The following SIPA1L1 variants were observed in gnomAD, a reference collection of about 807,000 sequenced individuals.
The protein encoded by SIPA1L1 is signal induced proliferation associated 1 like 1, also known as signal-induced proliferation-associated 1-like protein 1.
A neutral mutation model predicts 162.7 loss-of-function variants in SIPA1L1; 26 were observed. The observed-to-expected ratio is 0.16, with a 90% CI of 0.12 to 0.22. The LOEUF (loss-of-function observed/expected upper bound fraction) is 0.22, where lower values mean the gene tolerates loss of function less well. SIPA1L1 is among the 10% of genes least tolerant of loss of function. The pLI, the probability that SIPA1L1 is intolerant of heterozygous loss-of-function variation, is 1.00. For missense variants in SIPA1L1, 1,874 were observed against 2,241.0 expected (o/e 0.84, Z 3.31); for synonymous variants, 829 against 837.4 (o/e 0.99, Z 0.17).
intron 7 of SIPA1L1, among the ~76,000 whole-genome samples, chr14:71,634,361 C>T (rs928540209): frequency 3.4e-5 from 5 of 147,652 alleles, no homozygotes; most frequent in Non-Finnish European, 7.4e-5. Flanking sequence ...AAGATCACGC[C>T]ACTGCACTCC....
At chr14:71,557,520 T>G (rs1052387738) in intron 4 of SIPA1L1, among the ~76,000 whole-genome samples, 21 of 152,216 alleles carry the variant, frequency 1.4e-4, no homozygotes, top group African/African-American at 4.8e-4. Flanking sequence ...CTTGCACTAA[T>G]TGTTAACTTT....
intron 9 of SIPA1L1, among the ~76,000 whole-genome samples, chr14:71,660,238 G>A (rs910946761): frequency 9.2e-5 from 14 of 152,052 alleles, no homozygotes; most frequent in African/African-American, 3.4e-4. Context: ...GTTCTGTAGA[G>A]CAATCAATAC....
chr14:71,467,807 G>T (rs1156340077), intron 2 of SIPA1L1, among the ~76,000 whole-genome samples: 1 of 146,908 alleles, frequency 6.8e-6, no homozygotes, highest in Non-Finnish European at 1.5e-5. Flanking sequence ...CTTGAGGCCA[G>T]CAGTTCAGGA....
chr14:71,697,391 C>T (rs1166847404), intron 13 of SIPA1L1, among the ~76,000 whole-genome samples: 1 of 151,770 alleles, frequency 6.6e-6, no homozygotes, highest in Non-Finnish European at 1.5e-5. Flanking sequence ...AAAGTAAAGA[C>T]AGAGGAAGGA....
intron 2 of SIPA1L1, among the ~76,000 whole-genome samples, chr14:71,405,650 T>A (rs911950448): frequency 6.6e-6 from 1 of 152,218 alleles, no homozygotes; most frequent in Admixed American, 6.5e-5. Flanking sequence ...TGACACAACC[T>A]GCTGTTGTGC....
intron 17 of SIPA1L1, among the ~76,000 whole-genome samples, chr14:71,717,656 C>T (rs2083373964): frequency 6.6e-6 from 1 of 152,134 alleles, no homozygotes; most frequent in Non-Finnish European, 1.5e-5. Flanking sequence ...CTGATAGCTT[C>T]ATGGTAGTTG....
chr14:71,650,577 A>G (rs1468581280), intron 8 of SIPA1L1, 68 bp downstream of exon 8: 18 of 1,449,798 alleles, frequency 1.2e-5, no homozygotes, highest in Admixed American at 6.9e-5. Context: ...CATCTGCTAA[A>G]TTATCCGTAA....
At chr14:71,686,922 G>A (rs141375363) in intron 13 of SIPA1L1, among the ~76,000 whole-genome samples, 210 of 152,292 alleles carry the variant, frequency 1.4e-3, no homozygotes, top group Non-Finnish European at 2.5e-3. Flanking sequence ...CAGGAGCAGG[G>A]TGCTGAGGAA....
intron 2 of SIPA1L1, chr14:71,497,927 G>C (rs2049915970): frequency 6.6e-6 from 1 of 152,168 alleles, no homozygotes; most frequent in Non-Finnish European, 1.5e-5. Flanking sequence ...CCACTTTCAC[G>C]AGTGACTGTA....
chr14:71,624,457 TTAAAC>T (rs1236643627), intron 7 of SIPA1L1, among the ~76,000 whole-genome samples: 2 of 152,216 alleles, frequency 1.3e-5, no homozygotes, highest in Non-Finnish European at 2.9e-5. Context: ...ATAAGGCACT[TTAAAC>T]TACGTTAAAT....
At chr14:71,466,088 C>G (rs2046973742) in intron 2 of SIPA1L1, among the ~76,000 whole-genome samples, 1 of 152,170 alleles carries the variant, frequency 6.6e-6, no homozygotes, top group Non-Finnish European at 1.5e-5. Context: ...TCCTTCAATC[C>G]AATCAAGTTG....
chr14:71,693,452 T>A (rs1431550990), intron 13 of SIPA1L1, among the ~76,000 whole-genome samples: 3 of 150,612 alleles, frequency 2.0e-5, no homozygotes, highest in African/African-American at 7.3e-5. Context: ...TGAGCCGAGA[T>A]CACACCACTG....
At chr14:71,636,210 T>C (rs1366607345) in intron 7 of SIPA1L1, among the ~76,000 whole-genome samples, 1 of 152,220 alleles carries the variant, frequency 6.6e-6, no homozygotes, top group East Asian at 1.9e-4. Context: ...AGGATCTAAT[T>C]GACATAAAGC....
At chr14:71,574,830 A>C (rs2032736418) in intron 4 of SIPA1L1, 2 of 152,224 alleles carry the variant, frequency 1.3e-5, no homozygotes, top group Non-Finnish European at 2.9e-5. Flanking sequence ...ATTTGTGAGG[A>C]AAATCTCACT....
chr14:71,361,923 C>A (rs550898481), intron 2 of SIPA1L1, among the ~76,000 whole-genome samples: 2 of 152,162 alleles, frequency 1.3e-5, no homozygotes, highest in African/African-American at 4.8e-5. Context: ...CATACTGTTG[C>A]GTGTGATATT....
rs148927849 is a variant in SIPA1L1, at chr14:71,335,370, T to G, written c.-465+14189T>G. ...GGGTTCTTCTAATCCACAAGCAGTT[T>G]TGAACAGAAACACTATCACTCTTCA... On this transcript the variant is annotated intron_variant, in intron 2 of 23. Transcript: ENST00000381232. 3.9e-5 allele frequency among the ~76,000 whole-genome samples: 6 copies of G among 152,302 alleles called. No homozygotes were observed. In the East Asian group the frequency reaches 1.2e-3, roughly 29 times the overall value.
At chr14:71,443,029 G>A (rs1471765808) in intron 2 of SIPA1L1, among the ~76,000 whole-genome samples, 2 of 152,176 alleles carry the variant, frequency 1.3e-5, no homozygotes, top group African/African-American at 2.4e-5. Flanking sequence ...ATGGCATGTT[G>A]CACATTGAGA....
At chr14:71,541,502 A>G (rs895714327) in intron 4 of SIPA1L1, among the ~76,000 whole-genome samples, 1 of 152,088 alleles carries the variant, frequency 6.6e-6, no homozygotes, top group Non-Finnish European at 1.5e-5. Flanking sequence ...GCTCATGCCT[A>G]TAATCCCCCA....
intron 2 of SIPA1L1, among the ~76,000 whole-genome samples, chr14:71,337,233 C>T (rs2035189313): frequency 6.6e-6 from 1 of 152,186 alleles, no homozygotes. Context: ...CCTCTTCCGT[C>T]CTATTCTGAT....
Sources: gnomAD v4.1 joint callset for allele counts (sites outside exome capture counted in the v4.1 genomes callset) on GRCh38, gnomAD v4.1.1 for gene constraint, MANE v1.5 for transcripts, NCBI Gene and HGNC (gene_info 2026-07-23, HGNC 2026-07-21) for gene names.